The following GABBR2 variants were observed in gnomAD, a reference collection of about 807,000 sequenced individuals.
GABBR2 encodes G-protein coupled receptor 51.
A neutral mutation model predicts 105.6 loss-of-function variants in GABBR2; 23 were observed. The observed-to-expected ratio is 0.22, with a 90% CI of 0.16 to 0.31. The LOEUF (loss-of-function observed/expected upper bound fraction) is 0.31. GABBR2 is among the 10% of genes least tolerant of loss of function. GABBR2 has a pLI of 1.00. For synonymous variants in GABBR2, 478 were observed against 499.7 expected, an observed-to-expected ratio of 0.96 and a Z score of 0.58; for missense variants, 734 against 1,245.5, an observed-to-expected ratio of 0.59 and a Z score of 6.18.
intron 13 of GABBR2, among the ~76,000 whole-genome samples, chr9:98,344,355 T>C (rs1294736622): frequency 6.6e-6 from 1 of 152,204 alleles, no homozygotes; most frequent in Non-Finnish European, 1.5e-5. Context: ...ATACAAATCA[T>C]ATTTTAAAAA....
In GABBR2 at chr9:98,574,869, G is replaced by T. The variant is rs181394150; in HGVS notation, c.459+3066C>A. 3.3e-4 allele frequency among the ~76,000 whole-genome samples: 50 copies of T among 152,284 alleles called. No individual in the cohort carries two copies. The East Asian group carries it at 8.5e-3, about 26-fold the overall frequency. On this transcript the variant is annotated intron_variant, in intron 2 of 18. Transcript: ENST00000259455. ...TGGAATCAGCTGGATTCCTCTCTGG[G>T]CAGGGGATTTCCCTGGGACCTCAGC...
intron 1 of GABBR2, among the ~76,000 whole-genome samples, chr9:98,656,489 C>G (rs1830185780): frequency 6.6e-6 from 1 of 152,082 alleles, no homozygotes; most frequent in Non-Finnish European, 1.5e-5. Context: ...TGGGCAAGTA[C>G]TTCAACATTT....
chr9:98,358,314 G>A (rs1831524144), intron 13 of GABBR2, among the ~76,000 whole-genome samples: 1 of 152,182 alleles, frequency 6.6e-6, no homozygotes, highest in Non-Finnish European at 1.5e-5. Context: ...AATGTACACT[G>A]GAGTAGCACT....
At chr9:98,345,857 T>C (rs1258265328) in intron 13 of GABBR2, among the ~76,000 whole-genome samples, 1 of 152,252 alleles carries the variant, frequency 6.6e-6, no homozygotes, top group Non-Finnish European at 1.5e-5. Context: ...ATAAAGTGGA[T>C]ATCTCAATAC....
At chr9:98,467,891 C>T (rs965898072) in intron 6 of GABBR2, among the ~76,000 whole-genome samples, 1 of 152,190 alleles carries the variant, frequency 6.6e-6, no homozygotes, top group African/African-American at 2.4e-5. Context: ...GCTGAGCCAT[C>T]GCTGGAGAAA....
chr9:98,423,664 A>C (rs560439400), intron 7 of GABBR2, among the ~76,000 whole-genome samples: 1 of 152,124 alleles, frequency 6.6e-6, no homozygotes, highest in Non-Finnish European at 1.5e-5. Flanking sequence ...GGTGTTTTAG[A>C]CATGAAGTCC....
chr9:98,374,536 C>T (rs1419020040), intron 11 of GABBR2, among the ~76,000 whole-genome samples: 5 of 152,180 alleles, frequency 3.3e-5, no homozygotes, highest in African/African-American at 2.4e-5. Flanking sequence ...GTGCAAACAA[C>T]GTGGTTTATG....
intron 3 of GABBR2, among the ~76,000 whole-genome samples, chr9:98,507,463 A>C (rs1162163368): frequency 1.3e-5 from 2 of 152,172 alleles, no homozygotes; most frequent in South Asian, 4.1e-4. Context: ...GCAAGGAAAC[A>C]TTCTCCCCTA....
intron 6 of GABBR2, among the ~76,000 whole-genome samples, chr9:98,464,548 C>T (rs1369725502): frequency 6.0e-5 from 9 of 150,442 alleles, no homozygotes; most frequent in Middle Eastern, 3.2e-3. Context: ...TCTGCCCGGC[C>T]GCCCTGTCTG....
intron 2 of GABBR2, among the ~76,000 whole-genome samples, chr9:98,553,939 T>A (rs180676300): frequency 7.0e-4 from 107 of 152,338 alleles, no homozygotes; most frequent in African/African-American, 2.5e-3. Flanking sequence ...ACTTCTCTAG[T>A]CTAATTTTGA....
intron 3 of GABBR2, among the ~76,000 whole-genome samples, chr9:98,524,862 T>C (rs1827929290): frequency 6.6e-6 from 1 of 152,098 alleles, no homozygotes; most frequent in African/African-American, 2.4e-5. Flanking sequence ...AAGAAATCCA[T>C]ACTACAATGG....
chr9:98,304,995 ACTC>A (rs1245426340), intron 15 of GABBR2, among the ~76,000 whole-genome samples: 1 of 109,640 alleles, frequency 9.1e-6, no homozygotes, highest in East Asian at 3.8e-4. Flanking sequence ...CTGGTCTTGA[ACTC>A]CTAGCCTCAA....
At chr9:98,387,318 G>T (rs111612571) in intron 10 of GABBR2, among the ~76,000 whole-genome samples, 2 of 152,188 alleles carry the variant, frequency 1.3e-5, no homozygotes, top group African/African-American at 2.4e-5. Context: ...AGGCCAAGAG[G>T]GGGTAGTTAA....
chr9:98,621,775 T>C (rs1471536246), intron 1 of GABBR2, among the ~76,000 whole-genome samples: 1 of 152,220 alleles, frequency 6.6e-6, no homozygotes, highest in Middle Eastern at 3.2e-3. Context: ...AGGCATATTG[T>C]ACTAGGCAAA....
At chr9:98,357,623 C>T (rs930887946) in intron 13 of GABBR2, among the ~76,000 whole-genome samples, 2 of 151,968 alleles carry the variant, frequency 1.3e-5, no homozygotes, top group African/African-American at 4.8e-5. Context: ...GTCTGGGTAA[C>T]AGAGTGAGAT....
At chr9:98,485,493 TACACACACGCAGGC>T in intron 4 of GABBR2, among the ~76,000 whole-genome samples, 1 of 143,218 alleles carries the variant, frequency 7.0e-6, no homozygotes, top group East Asian at 2.5e-4. Flanking sequence ...TAAACACACA[TACACACACGCAGGC>T]ACACACACAC....
chr9:98,386,648 C>G (rs1286502949), intron 10 of GABBR2, among the ~76,000 whole-genome samples: 4 of 152,168 alleles, frequency 2.6e-5, no homozygotes, highest in Admixed American at 1.3e-4. Context: ...CCTGGCCCCC[C>G]CAGCACAATC....
chr9:98,569,850 TCAGA>T (rs1488428967), intron 2 of GABBR2, among the ~76,000 whole-genome samples: 5 of 152,220 alleles, frequency 3.3e-5, no homozygotes, highest in Admixed American at 1.3e-4. Flanking sequence ...TTTTGATTTC[TCAGA>T]CAGCCTACAG....
chr9:98,469,756 C>T (rs1294854153), intron 6 of GABBR2, among the ~76,000 whole-genome samples: 2 of 152,154 alleles, frequency 1.3e-5, no homozygotes, highest in East Asian at 1.9e-4. Context: ...TTGGGATGTC[C>T]CTTCCCCTCT....
Sources: gnomAD v4.1 joint callset for allele counts (sites outside exome capture counted in the v4.1 genomes callset) on GRCh38, gnomAD v4.1.1 for gene constraint, MANE v1.5 for transcripts, NCBI Gene and HGNC (gene_info 2026-07-23, HGNC 2026-07-21) for gene names.